LMO7: variants seen among roughly 807,000 people sequenced by gnomAD.
LMO7 encodes LIM domain only protein 7.
In LMO7, 120 loss-of-function variants were observed where a neutral mutation model predicts 206.5. The observed-to-expected ratio is 0.58, with a 90% CI of 0.50 to 0.68. The LOEUF is 0.68. Ranked by LOEUF, LMO7 falls within the 30% of genes least tolerant of loss-of-function variation. The probability of loss-of-function intolerance (pLI) is 0.00; values close to 1 mark genes in which losing one functional copy is unlikely to be tolerated. For synonymous variants in LMO7, 706 were observed against 681.5 expected, an observed-to-expected ratio of 1.04 and a Z score of -0.56; for missense variants, 1,959 against 1,957.9, an observed-to-expected ratio of 1.00 and a Z score of -0.01.
At chr13:75,734,023 G>A (rs1414834678) in intron 3 of LMO7, among the ~76,000 whole-genome samples, 1 of 152,172 alleles carries the variant, frequency 6.6e-6, no homozygotes, top group African/African-American at 2.4e-5. Flanking sequence ...GATCCTAAGT[G>A]CATTTCCAAA....
chr13:75,621,912 GA>G, intron 1 of LMO7: 1 of 1,406,136 alleles, frequency 7.1e-7, no homozygotes. Flanking sequence ...TACTTTGAAA[GA>G]ACTAAGGCAG....
At chr13:75,700,690 C>T (rs976674047) in intron 1 of LMO7, among the ~76,000 whole-genome samples, 4 of 152,184 alleles carry the variant, frequency 2.6e-5, no homozygotes, top group Non-Finnish European at 5.9e-5. Context: ...GGTCAACAGC[C>T]GATCTGCAAA....
chr13:75,807,927 T>G lies in LMO7; in HGVS notation c.1644T>G (p.Thr548=). 6.2e-7 allele frequency: 1 copy of G among 1,613,994 alleles called. No individual in the cohort carries two copies. The highest frequency in any genetic ancestry group is 8.5e-7 in the Non-Finnish European group (1 of 1,179,898). ...YHPVPFPEPW[T]LPPEIQAKFL... is the part of the protein sequence containing the mutation. ...CAGTCCCTTTTCCCGAACCCTGGAC[T>G]CTTCCTCCAGAAATTCAAGCAAAAT... Residue 548 remains threonine (T), a synonymous_variant, in exon 10 of 31, where the codon ACT becomes ACG. Coordinates refer to ENST00000377534, the MANE Select transcript of LMO7 (RefSeq NM_001306080.2).
At chr13:75,808,504 T>C (rs1023581972) in intron 10 of LMO7, among the ~76,000 whole-genome samples, 4 of 152,232 alleles carry the variant, frequency 2.6e-5, no homozygotes, top group African/African-American at 9.6e-5. Flanking sequence ...GGACTTCTCA[T>C]GTTCAGGCAT....
At chr13:75,751,943 A>G (rs1458059491) in intron 3 of LMO7, among the ~76,000 whole-genome samples, 1 of 152,066 alleles carries the variant, frequency 6.6e-6, no homozygotes, top group African/African-American at 2.4e-5. Flanking sequence ...TGATCCTTCA[A>G]GTAAAAGTGA....
chr13:75,838,255 T>TTG, intron 20 of LMO7, 59 bp downstream of exon 20: 1 of 1,520,612 alleles, frequency 6.6e-7, no homozygotes, highest in Non-Finnish European at 9.1e-7. Context: ...CTCTCCACTC[T>TTG]TCCTCATGGT....
intron 4 of LMO7, among the ~76,000 whole-genome samples, chr13:75,782,966 G>A (rs755048466): frequency 6.6e-6 from 1 of 152,188 alleles, no homozygotes; most frequent in Non-Finnish European, 1.5e-5. Context: ...GGATTAGGAA[G>A]TAGACCTTGG....
intron 1 of LMO7, among the ~76,000 whole-genome samples, chr13:75,642,618 T>C (rs2036649113): frequency 6.6e-6 from 1 of 151,574 alleles, no homozygotes; most frequent in Non-Finnish European, 1.5e-5. Flanking sequence ...AGTAAATAAA[T>C]AAATAAATAA....
chr13:75,684,008 A>C (rs924698140), intron 1 of LMO7, among the ~76,000 whole-genome samples: 2 of 152,110 alleles, frequency 1.3e-5, no homozygotes, highest in African/African-American at 4.8e-5. Context: ...GGTTGATGTT[A>C]ATGTTGGTCA....
chr13:75,663,494 G>A (rs1417938715), intron 1 of LMO7, among the ~76,000 whole-genome samples: 1 of 143,354 alleles, frequency 7.0e-6, no homozygotes, highest in African/African-American at 2.6e-5. Context: ...GCAGTGGTGC[G>A]ATGTCGGCTC....
rs530719781 is a variant in LMO7 at position 75,621,409 on chromosome 13, A to G, written c.-285A>G. On this transcript the variant is annotated 5_prime_UTR_variant, in exon 1 of 30. Coordinates refer to the LMO7 transcript ENST00000341547. The stretch of plus-strand genomic sequence containing the variant: ...GAATTTTTATCTTTCCTGTAATAAT[A>G]CTATACCCAAGCACACTGCTCATGA... The G allele has an allele frequency of 7.9e-5, 14 of 177,574 alleles. No individual in the cohort carries two copies. The East Asian group carries it at 1.8e-3, about 23-fold the overall frequency. The allele number at this position is 177,574 out of a possible 1,614,324, so 11.0% of individuals were successfully genotyped here.
intron 30 of LMO7, chr13:75,857,349 A>G (rs1388298855): frequency 1.3e-5 from 2 of 152,246 alleles, no homozygotes; most frequent in Non-Finnish European, 2.9e-5. Flanking sequence ...AAAGGGTGTT[A>G]CAAGTGGTAT....
intron 4 of LMO7, among the ~76,000 whole-genome samples, chr13:75,778,521 T>C (rs2050837853): frequency 6.6e-6 from 1 of 152,232 alleles, no homozygotes; most frequent in South Asian, 2.1e-4. Flanking sequence ...CGTGAGCCAC[T>C]GCGCCCGGCC....
At chr13:75,626,512 A>C (rs1388052304) in intron 2 of LMO7, among the ~76,000 whole-genome samples, 1 of 149,280 alleles carries the variant, frequency 6.7e-6, no homozygotes, top group Non-Finnish European at 1.5e-5. Flanking sequence ...TGGGAGATAC[A>C]ATTGAAATTG....
In LMO7 at chr13:75,636,363, G is replaced by A; in HGVS notation, c.-295G>A. The A allele has an allele frequency of 2.4e-6, 3 of 1,247,956 alleles. 1 individual carries two copies. Among genetic ancestry groups the A allele is most frequent in the South Asian group, 3.4e-5 (2 of 58,042 alleles). The allele number at this position is 1,247,956 out of a possible 1,614,324, so 77.3% of individuals were successfully genotyped here. ...GTCGGGGCTGGTGCCGCGCGCTGCCGCTGGGCACCCGCTTCGCTTCCCGCG... is the reference window on the plus strand; with the variant it reads ...GTCGGGGCTGGTGCCGCGCGCTGCCACTGGGCACCCGCTTCGCTTCCCGCG... On this transcript the variant is annotated 5_prime_UTR_variant, in exon 1 of 31. Transcript: ENST00000377534.
chr13:75,734,269 A>C (rs2045582103), intron 3 of LMO7, among the ~76,000 whole-genome samples: 1 of 152,216 alleles, frequency 6.6e-6, no homozygotes, highest in African/African-American at 2.4e-5. Flanking sequence ...GAGGACAATA[A>C]TAATGCGGGG....
At chr13:75,664,395 G>T (rs904031852) in intron 1 of LMO7, among the ~76,000 whole-genome samples, 1 of 152,032 alleles carries the variant, frequency 6.6e-6, no homozygotes, top group Non-Finnish European at 1.5e-5. Flanking sequence ...GTACTCCATT[G>T]TAAGTACCAA....
chr13:75,711,634 C>T (rs2043134034), intron 1 of LMO7, among the ~76,000 whole-genome samples: 1 of 152,198 alleles, frequency 6.6e-6, no homozygotes, highest in African/African-American at 2.4e-5. Flanking sequence ...GTCCTGCACC[C>T]ACTCCCCAGT....
intron 1 of LMO7, among the ~76,000 whole-genome samples, chr13:75,643,882 A>T (rs1322390747): frequency 1.3e-5 from 2 of 152,212 alleles, no homozygotes; most frequent in Non-Finnish European, 2.9e-5. Context: ...ATTACTGGGT[A>T]CAGAATGCTC....
Sources: gnomAD v4.1 joint callset for allele counts (sites outside exome capture counted in the v4.1 genomes callset) on GRCh38, gnomAD v4.1.1 for gene constraint, MANE v1.5 for transcripts, NCBI Gene and HGNC (gene_info 2026-07-23, HGNC 2026-07-21) for gene names.